NPAS2: variants seen among roughly 807,000 people sequenced by gnomAD.
NPAS2 encodes neuronal PAS domain-containing protein 2.
In NPAS2, 23 loss-of-function variants were observed where a neutral mutation model predicts 107.5. That is an observed-to-expected ratio of 0.21 (90% confidence interval 0.15 to 0.30). The LOEUF is 0.30. Among genes scored for constraint, NPAS2 ranks in the 10% least tolerant of loss-of-function variants. The pLI, the probability that NPAS2 is intolerant of heterozygous loss-of-function variation, is 1.00. For synonymous variants in NPAS2, 403 were observed against 417.5 expected (o/e 0.97, Z 0.42); for missense variants, 756 against 1,043.3 (o/e 0.72, Z 3.79).
chr2:100,938,487 C>A (rs1327329938), intron 5 of NPAS2, among the ~76,000 whole-genome samples: 1 of 124,354 alleles, frequency 8.0e-6, no homozygotes, highest in Non-Finnish European at 1.7e-5. Context: ...GGTCACAGGC[C>A]CTGACAGATG....
Position 100,931,364 on chromosome 2 carries a change from G to A in NPAS2, c.182-1546G>A, listed in dbSNP as rs535066277. The stretch of plus-strand genomic sequence containing the variant: ...AATCCAATTTTGTATAACAGCAGCA[G>A]CAACTCGTTCTTTCTGACATCTCGA... On this transcript the variant is annotated intron_variant, in intron 3 of 20. Coordinates refer to ENST00000335681, the MANE Select transcript of NPAS2 (RefSeq NM_002518.4). 2.0e-5 allele frequency among the ~76,000 whole-genome samples: 3 copies of A among 152,218 alleles called. No individual in the cohort carries two copies. In the South Asian group the frequency reaches 6.2e-4, roughly 32 times the overall value.
chr2:100,897,779 A>C (rs1201530625), intron 1 of NPAS2, among the ~76,000 whole-genome samples: 1 of 151,712 alleles, frequency 6.6e-6, no homozygotes, highest in African/African-American at 2.4e-5. Context: ...GTTTTCCCCA[A>C]CTCCCCTGAC....
intron 7 of NPAS2, among the ~76,000 whole-genome samples, chr2:100,963,737 A>AT (rs1451675314): frequency 1.3e-5 from 2 of 151,992 alleles, no homozygotes; most frequent in Non-Finnish European, 2.9e-5. Flanking sequence ...TTTGTAGACT[A>AT]TTTTTCCCAG....
chr2:100,900,001 T>C (rs978074083), intron 1 of NPAS2, among the ~76,000 whole-genome samples: 1 of 152,192 alleles, frequency 6.6e-6, no homozygotes, highest in Non-Finnish European at 1.5e-5. Flanking sequence ...GTGATGAAGC[T>C]TCTAGAGGAA....
At chr2:100,981,796 T>G (rs890251511) in intron 15 of NPAS2, among the ~76,000 whole-genome samples, 2 of 152,320 alleles carry the variant, frequency 1.3e-5, no homozygotes, top group Admixed American at 1.3e-4. Context: ...CCTGTGAAGC[T>G]GTCACGTACA....
intron 16 of NPAS2, 77 bp from the exon 17 acceptor site, chr2:100,988,002 C>A: frequency 2.0e-6 from 3 of 1,478,998 alleles, no homozygotes; most frequent in South Asian, 1.2e-5. Context: ...CTTACTGGCA[C>A]AGGGAATGCA....
chr2:100,982,006 G>A (rs1383619845), intron 15 of NPAS2, among the ~76,000 whole-genome samples: 1 of 152,218 alleles, frequency 6.6e-6, no homozygotes, highest in Non-Finnish European at 1.5e-5. Flanking sequence ...TGGGCCTGCT[G>A]TCATAGCCAG....
At chr2:100,854,997 A>G (rs139092683) in intron 1 of NPAS2, among the ~76,000 whole-genome samples, 6 of 152,358 alleles carry the variant, frequency 3.9e-5, no homozygotes, top group Non-Finnish European at 8.8e-5. Context: ...ATTTTTTAAT[A>G]TTGATTATAT....
intron 1 of NPAS2, among the ~76,000 whole-genome samples, chr2:100,887,109 A>G (rs761753383): frequency 1.1e-4 from 17 of 152,120 alleles, no homozygotes; most frequent in Non-Finnish European, 2.1e-4. Flanking sequence ...CTGTCCTCTT[A>G]TGAGCCCTAG....
At chr2:100,964,712 A>G in intron 8 of NPAS2, 149 bp from the exon 9 acceptor site, 1 of 591,772 alleles carries the variant, frequency 1.7e-6, no homozygotes, top group Non-Finnish European at 2.9e-6. Context: ...GAAATTAGCT[A>G]CAGATGATGA....
At chr2:100,884,952 A>AT (rs1407935902) in intron 1 of NPAS2, among the ~76,000 whole-genome samples, 11 of 129,356 alleles carry the variant, frequency 8.5e-5, no homozygotes, top group South Asian at 2.9e-4. Context: ...ATATATATAT[A>AT]ATTTTTTTTT....
At chr2:100,975,019 G>A in intron 13 of NPAS2, 75 bp downstream of exon 13, 1 of 1,538,244 alleles carries the variant, frequency 6.5e-7, no homozygotes, top group African/African-American at 1.4e-5. Context: ...AGGGTCCCGG[G>A]CCCAAGTGGA....
At chr2:100,956,170 T>C (rs1041233155) in intron 7 of NPAS2, among the ~76,000 whole-genome samples, 2 of 152,184 alleles carry the variant, frequency 1.3e-5, no homozygotes, top group Admixed American at 1.3e-4. Flanking sequence ...CCTCCCAAAG[T>C]GCTGGGATTA....
At chr2:100,843,247 C>T (rs1677560735) in intron 1 of NPAS2, among the ~76,000 whole-genome samples, 1 of 151,730 alleles carries the variant, frequency 6.6e-6, no homozygotes, top group Non-Finnish European at 1.5e-5. Context: ...GCATCTGTTC[C>T]CTGGTGTCCC....
chr2:100,859,217 C>T (rs1407346563), intron 1 of NPAS2, among the ~76,000 whole-genome samples: 2 of 152,176 alleles, frequency 1.3e-5, no homozygotes, highest in African/African-American at 2.4e-5. Flanking sequence ...GAGCCGAGAT[C>T]ATGCTACTGC....
At chr2:100,993,601 G>A in intron 20 of NPAS2, 74 bp downstream of exon 20, 3 of 1,174,466 alleles carry the variant, frequency 2.6e-6, no homozygotes, top group Non-Finnish European at 3.5e-6. Context: ...AAGTCTCAGA[G>A]ATATTTTATT....
In NPAS2 at chr2:100,875,461, TACACACACACACAC is replaced by T. The variant is rs56331462; in HGVS notation, c.-22-29240_-22-29227del. 8.2e-4 allele frequency among the ~76,000 whole-genome samples: 118 copies of T among 143,660 alleles called. 2 individuals are homozygous for T. The East Asian group carries it at 0.01, about 12-fold the overall frequency. The allele number at this position is 143,660 out of a possible 152,430, so 94.2% of individuals were successfully genotyped here. On this transcript the variant is annotated intron_variant, in intron 1 of 20. Coordinates refer to ENST00000335681, the MANE Select transcript of NPAS2 (RefSeq NM_002518.4). ...ATAAAATTTTTAAAAATTAAAAGCT[TACACACACACACAC>T]ACACACACACACACACACACACACA...
At chr2:100,981,726 C>A (rs1397999111) in intron 15 of NPAS2, among the ~76,000 whole-genome samples, 4 of 152,068 alleles carry the variant, frequency 2.6e-5, no homozygotes, top group Admixed American at 1.3e-4. Context: ...TCTTGATGAT[C>A]CCAGGCTGTT....
At position 100,945,561 on chromosome 2, in the gene NPAS2, C is replaced by T. The variant is rs372581875; in HGVS notation, c.364-2674C>T. Among the ~76,000 whole-genome samples, 5 of 152,192 alleles carry T rather than the reference C, an allele frequency of 3.3e-5. No individual in the cohort carries two copies. In the East Asian group the frequency reaches 5.8e-4, roughly 18 times the overall value. On this transcript the variant is annotated intron_variant, in intron 5 of 20. Transcript: ENST00000335681. ...TGCCACCCCCTTCCTTCAGGTTCTT[C>T]GTGGCTCCTCCTGGCACAGGGTCGA...
Sources: allele counts gnomAD v4.1 joint callset (sites outside exome capture counted in the v4.1 genomes callset), GRCh38; gene constraint gnomAD v4.1.1; transcripts MANE v1.5; gene names NCBI Gene and HGNC (gene_info 2026-07-23, HGNC 2026-07-21).